Variants in RIDA observed in about 807,000 individuals in gnomAD.
RIDA encodes the protein 2-iminobutanoate/2-iminopropanoate deaminase.
A neutral mutation model predicts 17.8 loss-of-function variants in RIDA; 17 were observed. That is an observed-to-expected ratio of 0.96 (90% CI 0.65 to 1.43). The LOEUF is 1.43. Ranked by LOEUF, RIDA falls within the 40% of genes most tolerant of loss-of-function variation. The pLI is 0.00. For missense variants in RIDA, 158 were observed against 161.7 expected, an observed-to-expected ratio of 0.98 and a Z score of 0.12; for synonymous variants, 48 against 55.7, an observed-to-expected ratio of 0.86 and a Z score of 0.62.
rs755307372 is a variant in RIDA, at chr8:98,117,064, G to A, written c.33C>T (p.Thr11=). MSSLIRRVIS[T]AKAPGAIGPY... is the part of the protein sequence containing the mutation. ...GTCCAATGGCCCCTGGGGCTTTCGC[G>A]GTGCTGATCACCCTTCTGATCAAGG... Residue 11 remains threonine (T), a synonymous_variant, in exon 1 of 6, where the codon ACC becomes ACT. Coordinates refer to ENST00000254878, the MANE Select transcript of RIDA (RefSeq NM_005836.3). 60 of 1,614,032 alleles carry A rather than the reference G, an allele frequency of 3.7e-5. No homozygotes were observed. The highest frequency in any genetic ancestry group is 4.9e-5 in the Non-Finnish European group (58 of 1,179,984).
At chr8:98,115,615 T>G (rs1298826726) in intron 1 of RIDA, among the ~76,000 whole-genome samples, 1 of 151,660 alleles carries the variant, frequency 6.6e-6, no homozygotes, top group Non-Finnish European at 1.5e-5. Context: ...GGTCTTGAAC[T>G]CCTGACCTCA....
chr8:98,105,120 C>G (rs1414551644), intron 4 of RIDA, among the ~76,000 whole-genome samples: 3 of 88,078 alleles, frequency 3.4e-5, no homozygotes, highest in African/African-American at 9.0e-5. Context: ...AGCTTTCTGG[C>G]AAAAAAAAAA....
intron 1 of RIDA, among the ~76,000 whole-genome samples, chr8:98,113,454 A>G (rs1446340145): frequency 6.6e-6 from 1 of 152,178 alleles, no homozygotes; most frequent in East Asian, 1.9e-4. Flanking sequence ...TTTTTTCTTA[A>G]ACATTAACTA....
chr8:98,103,700 G>A (rs919498402), intron 5 of RIDA, among the ~76,000 whole-genome samples: 4 of 151,626 alleles, frequency 2.6e-5, no homozygotes, highest in Non-Finnish European at 5.9e-5. Context: ...GCAGTGGCGC[G>A]ATTTCGGCTC....
chr8:98,105,608 C>T (rs556933874), intron 4 of RIDA, among the ~76,000 whole-genome samples: 80 of 152,226 alleles, frequency 5.3e-4, no homozygotes, highest in African/African-American at 1.8e-3. Context: ...ATGGTGGCTG[C>T]ACCATACAGC....
rs1304935688 is a variant in RIDA at position 98,117,155 on chromosome 8, T to C, written c.-59A>G. ...GAAGAAGCCCCAGCACCAGCCCTGC[T>C]GGCTTCTTACTGGACTGACCAACCA... On this transcript the variant is annotated 5_prime_UTR_variant, in exon 1 of 6. Coordinates refer to ENST00000254878, the MANE Select transcript of RIDA (RefSeq NM_005836.3). 2.0e-6 allele frequency: 3 copies of C among 1,532,934 alleles called. No homozygotes were observed. Among genetic ancestry groups the C allele is most frequent in the African/African-American group, 1.4e-5 (1 of 73,384 alleles). 95.0% of individuals were successfully genotyped at this position (1,532,934 alleles called of 1,614,324 possible). A position where few individuals can be genotyped will look rare whatever the true frequency, so the allele number is the denominator to read the frequency against.
At chr8:98,103,933 T>C (rs966504905) in intron 5 of RIDA, among the ~76,000 whole-genome samples, 2 of 151,822 alleles carry the variant, frequency 1.3e-5, no homozygotes, top group Non-Finnish European at 2.9e-5. Flanking sequence ...CCACCGCGCC[T>C]GGCCTTTTCT....
intron 2 of RIDA, among the ~76,000 whole-genome samples, chr8:98,108,072 C>T (rs1055464835): frequency 9.6e-5 from 14 of 145,264 alleles, no homozygotes; most frequent in African/African-American, 3.3e-4. Context: ...GCCTGGCCTC[C>T]CCCAACTAAT....
At chr8:98,105,658 G>A (rs1188122822) in intron 4 of RIDA, among the ~76,000 whole-genome samples, 3 of 152,182 alleles carry the variant, frequency 2.0e-5, no homozygotes, top group Non-Finnish European at 2.9e-5. Context: ...CTTGTTAGGA[G>A]AGTTTAAAAA....
Position 98,104,541 on chromosome 8 carries a change from A to C in RIDA, c.299T>G (p.Phe100Cys). Reference protein sequence around the residue: ...NTVNEIYKQYFKSNFPARAAY... With the variant: ...NTVNEIYKQYCKSNFPARAAY... ...AGCTCTAGCAGGAAAATTACTCTTG[A>C]AATCTGAATTTAAAAGAATTTCATT... Residue 100 changes from phenylalanine (F) to cysteine (C), a missense_variant, in exon 5 of 6, where the codon TTC becomes TGC. Coordinates refer to ENST00000254878, the MANE Select transcript of RIDA (RefSeq NM_005836.3). The C allele has an allele frequency of 6.4e-7, 1 of 1,573,688 alleles. No individual in the cohort carries two copies. The highest frequency in any genetic ancestry group is 8.7e-7 in the Non-Finnish European group (1 of 1,145,826).
At chr8:98,114,327 CTT>C (rs10576507) in intron 1 of RIDA, among the ~76,000 whole-genome samples, 31,970 of 143,038 alleles carry the variant, frequency 0.22, 3,715 homozygotes, top group East Asian at 0.36. Flanking sequence ...CTGCTAAAAT[CTT>C]TTTTTTTTTT....
In RIDA at chr8:98,115,369, C is replaced by A. The variant is rs1815790997; in HGVS notation, c.65+1663G>T. Among the ~76,000 whole-genome samples, 3 of 113,460 alleles carry A rather than the reference C, an allele frequency of 2.6e-5. No individual in the cohort carries two copies. The Admixed American group carries it at 3.6e-4, about 13-fold the overall frequency. 74.4% of individuals were successfully genotyped at this position (113,460 alleles called of 152,430 possible). ...CACCACTGCACTCTAGCCTGGGCAA[C>A]AGAGTGAGACTCTGCCTCCAAAAAA... On this transcript the variant is annotated intron_variant, in intron 1 of 5. Coordinates refer to ENST00000254878, the MANE Select transcript of RIDA (RefSeq NM_005836.3).
intron 5 of RIDA, among the ~76,000 whole-genome samples, chr8:98,103,288 A>C (rs968194650): frequency 6.6e-6 from 1 of 152,262 alleles, no homozygotes; most frequent in African/African-American, 2.4e-5. Context: ...GTACCTTAAT[A>C]GGTTTGATAA....
Position 98,117,024 on chromosome 8 carries a change from C to T in RIDA, c.65+8G>A. On this transcript the variant is annotated splice_region_variant and intron_variant, in intron 1 of 5. Coordinates refer to ENST00000254878, the MANE Select transcript of RIDA (RefSeq NM_005836.3). ...TGGGTCCGACACAGCTTCCACCAGC[C>T]ACGTTACCTGTAGGGTCCAATGGCC... The T allele has an allele frequency of 6.2e-7, 1 of 1,612,570 alleles. No individual in the cohort carries two copies. Among genetic ancestry groups the T allele is most frequent in the Non-Finnish European group, 8.5e-7 (1 of 1,178,738 alleles).
At chr8:98,111,702 T>C (rs1479592910) in intron 1 of RIDA, among the ~76,000 whole-genome samples, 3 of 152,134 alleles carry the variant, frequency 2.0e-5, no homozygotes, top group Non-Finnish European at 4.4e-5. Context: ...TTTAGTTCCC[T>C]ATTCTTCCAT....
chr8:98,103,022 A>C (rs1227183465), intron 5 of RIDA, 118 bp from the exon 6 acceptor site: 23 of 657,136 alleles, frequency 3.5e-5, no homozygotes, highest in Admixed American at 1.6e-4. Context: ...AAACTTTTCA[A>C]GGAAGGAAAG....
At chr8:98,103,179 T>C (rs1421719229) in intron 5 of RIDA, among the ~76,000 whole-genome samples, 2 of 152,270 alleles carry the variant, frequency 1.3e-5, no homozygotes, top group Non-Finnish European at 2.9e-5. Flanking sequence ...TGCTGAAGTG[T>C]AGAAGGAGTA....
intron 1 of RIDA, among the ~76,000 whole-genome samples, chr8:98,110,668 AG>A (rs1226438877): frequency 6.6e-6 from 1 of 152,208 alleles, no homozygotes; most frequent in Non-Finnish European, 1.5e-5. Context: ...TCTTCAGACA[AG>A]ATTAGTCACT....
chr8:98,102,743 C>A lies in RIDA; in HGVS notation c.*99G>T. On this transcript the variant is annotated 3_prime_UTR_variant, in exon 6 of 6. Coordinates refer to ENST00000254878, the MANE Select transcript of RIDA (RefSeq NM_005836.3). ...TTCAGATATTTTCATCAAACTCACA[C>A]TGTCATCAATTGTGAAAATTAAAAG... 2 of 782,614 alleles carry A rather than the reference C, an allele frequency of 2.6e-6. No individual in the cohort carries two copies. The highest frequency in any genetic ancestry group is 4.2e-5 in the South Asian group (2 of 47,804). The allele number at this position is 782,614 out of a possible 1,614,324, so 48.5% of individuals were successfully genotyped here.
Sources: allele counts gnomAD v4.1 joint callset (sites outside exome capture counted in the v4.1 genomes callset), GRCh38; gene constraint gnomAD v4.1.1; transcripts MANE v1.5; gene names NCBI Gene and HGNC (gene_info 2026-07-23, HGNC 2026-07-21).